The following DCTN1 variants were observed in gnomAD, a reference collection of about 807,000 sequenced individuals.
The protein encoded by DCTN1 is dynactin subunit 1.
Under a neutral mutation model 161.2 loss-of-function variants are expected in DCTN1, and 61 were observed. That is an observed-to-expected ratio of 0.38 (90% CI 0.31 to 0.47). The LOEUF (loss-of-function observed/expected upper bound fraction) is 0.47, where lower values mean the gene tolerates loss of function less well. Among genes scored for constraint, DCTN1 ranks in the 20% least tolerant of loss-of-function variants. The pLI is 0.99. For missense variants in DCTN1, 1,404 were observed against 1,623.7 expected (o/e 0.86, Z 2.33); for synonymous variants, 653 against 632.4 (o/e 1.03, Z -0.49).
intron 25 of DCTN1, 85 bp downstream of exon 25, chr2:74,365,430 C>A (rs1056336180): frequency 1.1e-5 from 18 of 1,602,712 alleles, no homozygotes; most frequent in Non-Finnish European, 1.4e-5. Context: ...TATAAGAGAA[C>A]CTGAGTAGGG....
intron 6 of DCTN1, chr2:74,373,270 G>T: frequency 2.3e-6 from 1 of 433,088 alleles, no homozygotes; most frequent in South Asian, 2.1e-5. Context: ...CAGCTAGTGA[G>T]AAGGTCCCAT....
rs1674740605 is a variant in DCTN1 at position 74,370,294 on chromosome 2, C to G, written c.1179G>C (p.Lys393Asn). The part of the protein sequence containing the change: ...SEKQEHVKLQ[K>N]LMEKKNQELE... ...GCTCTTGGTTCTTCTTTTCCATGAGCTTCTGGAGCTTCACATGCTCCTGCT... is the reference window on the plus strand; with the variant it reads ...GCTCTTGGTTCTTCTTTTCCATGAGGTTCTGGAGCTTCACATGCTCCTGCT... Residue 393 changes from lysine (K) to asparagine (N), a missense_variant, in exon 12 of 32, where the codon AAG becomes AAC. By Grantham distance (94) the Lys-to-Asn change is moderately conservative. Coordinates refer to ENST00000628224, the MANE Select transcript of DCTN1 (RefSeq NM_004082.5). The surrounding 1 kb of genome is among the most constrained non-coding windows in gnomAD (Gnocchi z 4.4). The G allele has an allele frequency of 6.2e-7, 1 of 1,614,082 alleles. No individual in the cohort carries two copies. The highest frequency in any genetic ancestry group is 8.5e-7 in the Non-Finnish European group (1 of 1,180,044).
chr2:74,361,707 C>T, intron 31 of DCTN1, 71 bp from the exon 32 acceptor site: 1 of 1,603,754 alleles, frequency 6.2e-7, no homozygotes, highest in African/African-American at 1.3e-5. Context: ...TGAAGGGGTC[C>T]CTGAGCACTG....
intron 16 of DCTN1, 96 bp downstream of exon 16, chr2:74,368,632 G>T: frequency 6.5e-7 from 1 of 1,548,560 alleles, no homozygotes; most frequent in Non-Finnish European, 8.9e-7. Context: ...AACTCTTTGT[G>T]GGCAGAGACT....
chr2:74,379,431 AG>A (rs1179955631), intron 1 of DCTN1, among the ~76,000 whole-genome samples: 1 of 152,190 alleles, frequency 6.6e-6, no homozygotes, highest in Non-Finnish European at 1.5e-5. Flanking sequence ...CAGCTCATCC[AG>A]GAAGGTGAGG....
upstream of DCTN1, chr2:74,385,333 C>G (rs948971770): frequency 6.6e-6 from 1 of 152,194 alleles, no homozygotes; most frequent in Admixed American, 6.5e-5. Flanking sequence ...GGCACTCAGC[C>G]CTGCACTCAA....
chr2:74,385,957 C>T (rs774362615), intron 1 of DCTN1, among the ~76,000 whole-genome samples: 1 of 152,210 alleles, frequency 6.6e-6, no homozygotes, highest in African/African-American at 2.4e-5. Context: ...GTGATAGGAA[C>T]AGGGACAAGG....
At chr2:74,361,963 C>T (rs1674028898) in intron 31 of DCTN1, 89 bp downstream of exon 31, 1 of 1,404,838 alleles carries the variant, frequency 7.1e-7, no homozygotes, top group African/African-American at 1.4e-5. Flanking sequence ...AGACCTGAGA[C>T]TCCAAAGGCC....
chr2:74,374,942 G>A (rs1430965769), intron 5 of DCTN1, among the ~76,000 whole-genome samples: 1 of 152,168 alleles, frequency 6.6e-6, no homozygotes, highest in Non-Finnish European at 1.5e-5. Context: ...GGGCATCACT[G>A]GGGAGGGACA....
At chr2:74,384,435 A>G (rs1043317298), upstream of DCTN1, among the ~76,000 whole-genome samples, 3 of 152,176 alleles carry the variant, frequency 2.0e-5, no homozygotes, top group Non-Finnish European at 4.4e-5. Flanking sequence ...CAGGGAGGAG[A>G]CAGACACCTC....
Position 74,386,174 on chromosome 2 carries a change from A to G in DCTN1, c.-19+5620T>C, listed in dbSNP as rs75261102. 2.6e-5 allele frequency among the ~76,000 whole-genome samples: 4 copies of G among 152,270 alleles called. No homozygotes were observed. In the East Asian group the frequency reaches 7.7e-4, roughly 29 times the overall value. Reference sequence around the variant, plus strand: ...GCCACCATCATGCCCACAAACTGGCATGGTAAGATTCCCTCCTTAGCAACC... The same window carrying G: ...GCCACCATCATGCCCACAAACTGGCGTGGTAAGATTCCCTCCTTAGCAACC... On this transcript the variant is annotated intron_variant, in intron 1 of 27. Transcript: ENST00000409240.
intron 31 of DCTN1, 109 bp downstream of exon 31, chr2:74,361,943 T>C (rs1478766018): frequency 8.3e-7 from 1 of 1,199,920 alleles, no homozygotes; most frequent in Non-Finnish European, 1.2e-6. Flanking sequence ...ACCCAAGGTA[T>C]GCAGTTGTTA....
chr2:74,387,335 G>A (rs1675777749), intron 1 of DCTN1, among the ~76,000 whole-genome samples: 1 of 151,670 alleles, frequency 6.6e-6, no homozygotes, highest in African/African-American at 2.4e-5. Context: ...AAGCGTGGCT[G>A]GGAGACCTCA....
chr2:74,364,086 C>G (rs1034846124), intron 26 of DCTN1: 2 of 194,456 alleles, frequency 1.0e-5, no homozygotes, highest in African/African-American at 4.6e-5. Context: ...AGGCAAAAGA[C>G]CTTCTTTTTT....
upstream of DCTN1, among the ~76,000 whole-genome samples, chr2:74,381,188 CT>C (rs1341700065): frequency 1.3e-5 from 2 of 152,230 alleles, no homozygotes; most frequent in Non-Finnish European, 2.9e-5. Flanking sequence ...CTTTCATTCA[CT>C]GGCCCATCTA....
chr2:74,388,679 T>C lies in DCTN1; in HGVS notation c.-19+3115A>G, dbSNP rs529723930. On this transcript the variant is annotated intron_variant, in intron 1 of 27. Transcript: ENST00000409240. ...ATACCACATTCTATTTAAAATATCA[T>C]CTCTTACTCTACTATGAATTCCTCC... Among the ~76,000 whole-genome samples, 15 of 152,338 alleles carry C rather than the reference T, an allele frequency of 9.8e-5. No homozygotes were observed. The East Asian group carries it at 2.5e-3, about 25-fold the overall frequency.
rs776450922 is a variant in DCTN1, at chr2:74,369,202, C to T, written c.1597G>A (p.Glu533Lys). ...GATGCTTCCTGCTGGTTTGTCAGTT[C>T]CCGATTCACATCCTAGGAGGAGAGA... is the stretch of plus-strand genomic sequence containing the variant. ...LTAHLQDVNR[E>K]LTNQQEASVE... Residue 533 changes from glutamate to lysine, a missense_variant, in exon 15 of 32, where the codon GAA (glutamate) becomes AAA (lysine). Physicochemically the swap from Glu to Lys is moderately conservative, Grantham distance 56. This residue lies in a region of DCTN1 where 278 missense variants were observed against 363.8 expected (regional missense o/e 0.76). Transcript: ENST00000628224. This position sits in a 1 kb window ranked among gnomAD's most constrained non-coding sequence, Gnocchi z 4.9. The T allele has an allele frequency of 3.1e-6, 5 of 1,614,226 alleles. No individual in the cohort carries two copies. The highest frequency in any genetic ancestry group is 4.2e-6 in the Non-Finnish European group (5 of 1,180,046).
rs74768853 is a variant in DCTN1 at position 74,378,101 on chromosome 2, C to G, written c.178G>C (p.Val60Leu). The G allele has an allele frequency of 6.2e-7, 1 of 1,614,288 alleles. No individual in the cohort carries two copies. The highest frequency in any genetic ancestry group is 8.5e-7 in the Non-Finnish European group (1 of 1,180,054). Residue 60 changes from valine (V) to leucine (L), a missense_variant, in exon 2 of 32, where the codon GTG (valine) becomes CTG (leucine). Transcript: ENST00000628224. ...TLFATGKWVG[V>L]ILDEAKGKND... ...TTGCCCTTTGCTTCATCCAGAATCA[C>G]GCCTACCCATTTGCCAGTGGCAAAC...
chr2:74,362,226 A>G (rs751836071), intron 30 of DCTN1, 85 bp from the exon 31 acceptor site: 1 of 1,226,078 alleles, frequency 8.2e-7, no homozygotes, highest in Non-Finnish European at 1.2e-6. Flanking sequence ...CAGAGACACT[A>G]ATACCAGGGG....
Sources: gnomAD v4.1 joint callset for allele counts (sites outside exome capture counted in the v4.1 genomes callset) on GRCh38, gnomAD v4.1.1 for gene constraint, gnomAD v4.1.1 regional missense constraint, Gnocchi (gnomAD v3.1) non-coding constraint, MANE v1.5 for transcripts, NCBI Gene and HGNC (gene_info 2026-07-23, HGNC 2026-07-21) for gene names.